The following CCDC40 variants were observed in gnomAD, a reference collection of about 807,000 sequenced individuals.
CCDC40 encodes the protein coiled-coil domain-containing protein 40.
Under a neutral mutation model 124.5 loss-of-function variants are expected in CCDC40, and 104 were observed. That is an observed-to-expected ratio of 0.84 (90% CI 0.71 to 0.98). CCDC40 has a LOEUF of 0.98. CCDC40 is among the 50% of genes least tolerant of loss of function. The pLI is 0.00. For synonymous variants in CCDC40, 580 were observed against 602.9 expected (o/e 0.96, Z 0.56); for missense variants, 1,463 against 1,503.9 (o/e 0.97, Z 0.45).
At position 80,090,121 on chromosome 17, in the gene CCDC40, C is replaced by T. The variant is rs919236863; in HGVS notation, c.2832+237C>T. ...CCCTTGACCCAGCTTTTACCACACGCTTGCTTTTAATGTGCAGAAATATTG... is the reference window on the plus strand; with the variant it reads ...CCCTTGACCCAGCTTTTACCACACGTTTGCTTTTAATGTGCAGAAATATTG... On this transcript the variant is annotated intron_variant, in intron 17 of 19. Coordinates refer to ENST00000397545, the MANE Select transcript of CCDC40 (RefSeq NM_017950.4). The T allele has an allele frequency of 3.3e-6, 5 of 1,536,134 alleles. No homozygotes were observed. In the Admixed American group the frequency reaches 7.8e-5, roughly 24 times the overall value.
Position 80,099,977 on chromosome 17 carries a change from T to C in CCDC40, c.*202T>C, listed in dbSNP as rs539904864. 5.3e-4 allele frequency: 325 copies of C among 618,164 alleles called. 1 individual carries two copies. The highest frequency in any genetic ancestry group is 5.7e-4 in the Admixed American group (20 of 34,878). The allele number at this position is 618,164 out of a possible 1,614,324, so 38.3% of individuals were successfully genotyped here. A position where few individuals can be genotyped will look rare whatever the true frequency, so the allele number is the denominator to read the frequency against. On this transcript the variant is annotated 3_prime_UTR_variant, in exon 20 of 20. Transcript: ENST00000397545. ...TAATAAACCAGGTAAAATCCTAGCG[T>C]TTCCCATGGCATCCCATCGCAAAGA...
intron 13 of CCDC40, among the ~76,000 whole-genome samples, 198 bp from the exon 14 acceptor site, chr17:80,085,805 G>A (rs535602685): frequency 6.6e-6 from 1 of 152,078 alleles, no homozygotes; most frequent in African/African-American, 2.4e-5. Flanking sequence ...AAGTAGCTGG[G>A]ACCACAGGTG....
chr17:80,067,992 CACCAAG>C, intron 10 of CCDC40: 1 of 1,074,944 alleles, frequency 9.3e-7, no homozygotes, highest in Non-Finnish European at 1.1e-6. Context: ...CAGCTTGCCA[CACCAAG>C]GCCCCGGGGA....
intron 3 of CCDC40, among the ~76,000 whole-genome samples, chr17:80,046,157 T>C (rs2037415346): frequency 6.6e-6 from 1 of 152,314 alleles, no homozygotes; most frequent in South Asian, 2.1e-4. Context: ...GTTAAAGTAA[T>C]AGGAAATCAC....
Position 80,095,428 on chromosome 17 carries a change from C to G in CCDC40, c.2998C>G (p.Arg1000Gly), listed in dbSNP as rs769341555. The G allele has an allele frequency of 1.2e-6, 2 of 1,614,038 alleles. No homozygotes were observed. The highest frequency in any genetic ancestry group is 1.7e-6 in the Non-Finnish European group (2 of 1,180,042). The change falls in exon 18 of 20, where the codon CGG becomes GGG. Residue 1000 changes from arginine (R) to glycine (G), a missense_variant. Coordinates refer to ENST00000397545, the MANE Select transcript of CCDC40 (RefSeq NM_017950.4). The part of the protein sequence containing the change: ...DFHHKQLELR[R>G]KIRDVRKATD... Reference sequence around the variant, plus strand: ...CCACCACAAGCAGCTTGAGCTGCGCCGGAAAATCAGGGACGTTCGCAAGGT... The same window carrying G: ...CCACCACAAGCAGCTTGAGCTGCGCGGGAAAATCAGGGACGTTCGCAAGGT...
In CCDC40 at chr17:80,040,263, G is replaced by A. The variant is rs751855108; in HGVS notation, c.545G>A (p.Gly182Asp). The A allele has an allele frequency of 2.5e-6, 4 of 1,613,024 alleles. No individual in the cohort carries two copies. In the African/African-American group the frequency reaches 5.3e-5, roughly 22 times the overall value. Residue 182 changes from glycine to aspartate, a missense_variant, in exon 3 of 20, where the codon GGC becomes GAC. Gly to Asp is a moderately conservative substitution (Grantham distance 94). Coordinates refer to ENST00000397545, the MANE Select transcript of CCDC40 (RefSeq NM_017950.4). The part of the protein sequence containing the change: ...MGQVTSGPAV[G>D]RLTGSTEEPQ... ...CAGGTCACCTCTGGGCCAGCAGTGG[G>A]CAGATTGGTGAGTAGCCCTGACTTC...
Position 80,099,610 on chromosome 17 carries a change from C to T in CCDC40, c.3264C>T (p.Arg1088=). 6.2e-7 allele frequency: 1 copy of T among 1,613,808 alleles called. No individual in the cohort carries two copies. Residue 1088 remains arginine, a synonymous_variant, in exon 20 of 20, where the codon CGC becomes CGT. Coordinates refer to ENST00000397545, the MANE Select transcript of CCDC40 (RefSeq NM_017950.4). The stretch of plus-strand genomic sequence containing the variant: ...AGGGGCGCTACGTGTTCCTGTTCCG[C>T]TCCAAGCAGTCCCTAGTGCTGGAGC... ...VKEGRYVFLF[R]SKQSLVLERQ...
intron 11 of CCDC40, 25 bp from the exon 12 acceptor site, chr17:80,081,851 G>T (rs1259780471): frequency 1.2e-5 from 19 of 1,613,886 alleles, no homozygotes; most frequent in Admixed American, 1.7e-5. Flanking sequence ...TCAGGCACGT[G>T]CACCCTGTGG....
At chr17:80,060,079 C>T (rs1314171148) in intron 9 of CCDC40, among the ~76,000 whole-genome samples, 2 of 152,120 alleles carry the variant, frequency 1.3e-5, no homozygotes, top group East Asian at 3.8e-4. Context: ...GGAAGGCTAG[C>T]CAAGAATGGT....
chr17:80,095,960 A>G (rs544363955), intron 18 of CCDC40, among the ~76,000 whole-genome samples: 14 of 152,222 alleles, frequency 9.2e-5, no homozygotes, highest in Non-Finnish European at 1.8e-4. Context: ...GGCCATGTCC[A>G]CTGGGCCTGC....
chr17:80,079,497 C>T (rs2038396840), intron 10 of CCDC40, among the ~76,000 whole-genome samples: 1 of 152,192 alleles, frequency 6.6e-6, no homozygotes, highest in Non-Finnish European at 1.5e-5. Context: ...CAGTTCTCTT[C>T]ACACTGTGTT....
chr17:80,071,562 G>A (rs8079986), intron 10 of CCDC40, among the ~76,000 whole-genome samples: 2 of 152,240 alleles, frequency 1.3e-5, no homozygotes, highest in South Asian at 2.1e-4. Flanking sequence ...AGTCCCCGAC[G>A]TCACGATTTT....
intron 5 of CCDC40, among the ~76,000 whole-genome samples, chr17:80,049,586 C>T (rs538832460): frequency 1.3e-5 from 2 of 152,250 alleles, no homozygotes; most frequent in African/African-American, 4.8e-5. Flanking sequence ...TGCAGAGCTC[C>T]AGGAACTGCC....
Position 80,087,915 on chromosome 17 carries a change from C to T in CCDC40, c.2620-96C>T. The T allele has an allele frequency of 7.8e-7, 1 of 1,278,092 alleles. No homozygotes were observed. Among genetic ancestry groups the T allele is most frequent in the South Asian group, 1.2e-5 (1 of 84,354 alleles). 79.2% of individuals were successfully genotyped at this position (1,278,092 alleles called of 1,614,324 possible). A position where few individuals can be genotyped will look rare whatever the true frequency, so the allele number is the denominator to read the frequency against. On this transcript the variant is annotated intron_variant, in intron 15 of 19. Coordinates refer to ENST00000397545, the MANE Select transcript of CCDC40 (RefSeq NM_017950.4). The surrounding 1 kb of genome is among the most constrained non-coding windows in gnomAD (Gnocchi z 4.5). ...GTAGGGGTATTAGAAATCCAGCCTG[C>T]AGCCCTGCCCTCGGTGCCGGGATAG...
chr17:80,072,592 T>A (rs1349374059), intron 10 of CCDC40, among the ~76,000 whole-genome samples: 4 of 152,230 alleles, frequency 2.6e-5, no homozygotes, highest in African/African-American at 9.6e-5. Flanking sequence ...CAAAATTGCA[T>A]ACCTCCAGCC....
At chr17:80,045,728 C>G (rs1042451461) in intron 3 of CCDC40, among the ~76,000 whole-genome samples, 4 of 150,720 alleles carry the variant, frequency 2.7e-5, no homozygotes, top group African/African-American at 5.0e-5. Context: ...CTACAAAAAA[C>G]GCTGAAAAAC....
chr17:80,099,511 C>A lies in CCDC40; in HGVS notation c.3181-16C>A. ...TGGTTTGCATAGCCCTATATGGAGT[C>A]TCTTTTCCTACCCAGAACCTTTCAG... On this transcript the variant is annotated splice_polypyrimidine_tract_variant and intron_variant, in intron 19 of 19. Transcript: ENST00000397545. The A allele has an allele frequency of 6.2e-7, 1 of 1,603,920 alleles. No homozygotes were observed. Among genetic ancestry groups the A allele is most frequent in the South Asian group, 1.1e-5 (1 of 91,030 alleles).
At chr17:80,055,913 G>C (rs946971148) in intron 7 of CCDC40, among the ~76,000 whole-genome samples, 5 of 143,022 alleles carry the variant, frequency 3.5e-5, no homozygotes, top group East Asian at 4.2e-4. Flanking sequence ...CCAGCCTTAA[G>C]TGATCCTCAC....
intron 3 of CCDC40, among the ~76,000 whole-genome samples, chr17:80,043,903 C>T (rs1023423207): frequency 1.3e-5 from 2 of 152,126 alleles, no homozygotes; most frequent in African/African-American, 4.8e-5. Context: ...TGTGGTCAAT[C>T]CTCCTGGATG....
Sources: gnomAD v4.1 joint callset for allele counts (sites outside exome capture counted in the v4.1 genomes callset) on GRCh38, gnomAD v4.1.1 for gene constraint, Gnocchi (gnomAD v3.1) non-coding constraint, MANE v1.5 for transcripts, NCBI Gene and HGNC (gene_info 2026-07-23, HGNC 2026-07-21) for gene names.